Variants in LARGE1 observed in about 807,000 individuals in gnomAD.
LARGE1 encodes LARGE xylosyl- and glucuronyltransferase 1.
Under a neutral mutation model 87.6 loss-of-function variants are expected in LARGE1, and 43 were observed. The observed-to-expected ratio is 0.49, with a 90% CI of 0.38 to 0.63. LARGE1 has a LOEUF of 0.63. LARGE1 is among the 30% of genes least tolerant of loss of function. The probability of loss-of-function intolerance (pLI) is 0.00; values close to 1 mark genes in which losing one functional copy is unlikely to be tolerated. For missense variants in LARGE1, 802 were observed against 1,000.2 expected (o/e 0.80, Z 2.67); for synonymous variants, 434 against 394.6 (o/e 1.10, Z -1.18).
intron 11 of LARGE1, among the ~76,000 whole-genome samples, chr22:33,222,940 A>T (rs958712753): frequency 2.6e-5 from 4 of 152,156 alleles, no homozygotes; most frequent in Admixed American, 6.5e-5. Context: ...AGGCCCCCCC[A>T]GTCTCCCCTA....
At chr22:33,809,052 ACC>A in intron 1 of LARGE1, among the ~76,000 whole-genome samples, 2 of 146,088 alleles carry the variant, frequency 1.4e-5, no homozygotes, top group Non-Finnish European at 3.0e-5. Context: ...TGGGCGGATC[ACC>A]CGAGGTCAGG....
intron 7 of LARGE1, among the ~76,000 whole-genome samples, chr22:33,430,109 A>G (rs1028362711): frequency 6.6e-6 from 1 of 152,218 alleles, no homozygotes; most frequent in African/African-American, 2.4e-5. Context: ...TGAAGCCATT[A>G]AAGTTCAAGC....
At chr22:33,528,137 G>T (rs1265150929) in intron 6 of LARGE1, among the ~76,000 whole-genome samples, 1 of 150,850 alleles carries the variant, frequency 6.6e-6, no homozygotes, top group Non-Finnish European at 1.5e-5. Context: ...GGTCGGGGGG[G>T]GCGGGGCGGG....
chr22:33,785,083 ATATG>A lies in LARGE1; in HGVS notation c.-82-23529_-82-23526del, dbSNP rs1356013096. The stretch of plus-strand genomic sequence containing the variant: ...TATATAGATATATGTGTATACATAC[ATATG>A]TGTATATACATGTGTATACATACAT... On this transcript the variant is annotated intron_variant, in intron 1 of 14. Coordinates refer to ENST00000397394, the MANE Select transcript of LARGE1 (RefSeq NM_133642.5). Among the ~76,000 whole-genome samples, 53 of 81,116 alleles carry A rather than the reference ATATG, an allele frequency of 6.5e-4. 1 individual carries two copies. The highest frequency in any genetic ancestry group is 2.4e-3 in the African/African-American group (51 of 21,336). 53.2% of individuals were successfully genotyped at this position (81,116 alleles called of 152,430 possible).
intron 11 of LARGE1, among the ~76,000 whole-genome samples, chr22:33,172,059 G>A (rs925561836): frequency 2.0e-5 from 3 of 152,252 alleles, no homozygotes; most frequent in African/African-American, 7.2e-5. Flanking sequence ...TGCCCTGGAT[G>A]TGAGACATGG....
intron 2 of LARGE1, among the ~76,000 whole-genome samples, chr22:33,655,127 C>T (rs1436440997): frequency 6.6e-6 from 1 of 152,004 alleles, no homozygotes; most frequent in Non-Finnish European, 1.5e-5. Context: ...TCAACTGGGC[C>T]AGGTGGTACC....
At chr22:33,778,514 T>C (rs1265068680) in intron 1 of LARGE1, among the ~76,000 whole-genome samples, 1 of 152,190 alleles carries the variant, frequency 6.6e-6, no homozygotes, top group Non-Finnish European at 1.5e-5. Flanking sequence ...CAACATCTGC[T>C]TTCTGCCTCT....
the LARGE1 span, among the ~76,000 whole-genome samples, chr22:33,079,078 C>T: frequency 1.3e-5 from 2 of 152,046 alleles, no homozygotes; most frequent in African/African-American, 2.4e-5. Context: ...GCTTCTTGTG[C>T]CTCAGTTTCT....
chr22:33,117,048 T>C, the LARGE1 span, among the ~76,000 whole-genome samples: 2 of 152,084 alleles, frequency 1.3e-5, no homozygotes, highest in Non-Finnish European at 2.9e-5. Context: ...GGTGAGTGAG[T>C]CACAGGAAAA....
chr22:33,339,651 C>A lies in LARGE1; in HGVS notation c.1132-1850G>T, dbSNP rs1305007609. Among the ~76,000 whole-genome samples, 6 of 151,238 alleles carry A rather than the reference C, an allele frequency of 4.0e-5. No individual in the cohort carries two copies. The East Asian group carries it at 5.8e-4, about 15-fold the overall frequency. On this transcript the variant is annotated intron_variant, in intron 9 of 14. Coordinates refer to ENST00000397394, the MANE Select transcript of LARGE1 (RefSeq NM_133642.5). The stretch of plus-strand genomic sequence containing the variant: ...AGTTTGATTGGAGAGACAAGATATG[C>A]ACAAGAAAAAAAAATCTGGGAAAAG...
rs575698411 is a variant in LARGE1, at chr22:33,181,360, A to G, written c.1731-14528T>C. On this transcript the variant is annotated intron_variant, in intron 11 of 11. Transcript: ENST00000608642. ...TTATGTATTTTCATTTTTATACCAT[A>G]TCTCAGATCAATTGATGAGCATAAT... Among the ~76,000 whole-genome samples the G allele has an allele frequency of 2.0e-5, 3 of 152,208 alleles. No individual in the cohort carries two copies. The East Asian group carries it at 5.8e-4, about 29-fold the overall frequency.
At chr22:33,657,662 T>C (rs1278801330) in intron 2 of LARGE1, among the ~76,000 whole-genome samples, 1 of 152,096 alleles carries the variant, frequency 6.6e-6, no homozygotes, top group Non-Finnish European at 1.5e-5. Flanking sequence ...GTGGGTCTCC[T>C]GGGCTAGTCC....
intron 1 of LARGE1, among the ~76,000 whole-genome samples, chr22:33,775,251 T>C (rs917474838): frequency 3.3e-5 from 5 of 152,334 alleles, no homozygotes; most frequent in East Asian, 3.9e-4. Context: ...CAGCTTCAAA[T>C]TGAATGTGCT....
At chr22:33,782,442 C>G (rs2145905739) in intron 1 of LARGE1, among the ~76,000 whole-genome samples, 1 of 152,268 alleles carries the variant, frequency 6.6e-6, no homozygotes, top group Non-Finnish European at 1.5e-5. Context: ...ATACTAAAAA[C>G]CACTAAATTG....
At chr22:33,369,064 G>A (rs998654776) in intron 9 of LARGE1, among the ~76,000 whole-genome samples, 4 of 152,164 alleles carry the variant, frequency 2.6e-5, no homozygotes, top group African/African-American at 9.7e-5. Flanking sequence ...TTCCTTTCAT[G>A]AAAAGTTTCT....
chr22:33,404,392 T>C (rs1374220053), intron 7 of LARGE1, among the ~76,000 whole-genome samples: 1 of 152,208 alleles, frequency 6.6e-6, no homozygotes, highest in Non-Finnish European at 1.5e-5. Flanking sequence ...CAATGCCACA[T>C]TTATAACCAG....
chr22:33,181,461 G>A (rs1365630141), intron 11 of LARGE1, among the ~76,000 whole-genome samples: 1 of 152,022 alleles, frequency 6.6e-6, no homozygotes, highest in Non-Finnish European at 1.5e-5. Flanking sequence ...GCTAGGAAGT[G>A]GCAAAGAGAG....
chr22:33,645,215 A>G (rs1442221928), intron 3 of LARGE1, among the ~76,000 whole-genome samples: 3 of 109,172 alleles, frequency 2.7e-5, no homozygotes, highest in Non-Finnish European at 7.2e-5. Context: ...TACAGTAACC[A>G]AAACAGCATG....
At chr22:33,708,038 C>A (rs985119891) in intron 2 of LARGE1, among the ~76,000 whole-genome samples, 3 of 152,130 alleles carry the variant, frequency 2.0e-5, no homozygotes, top group East Asian at 3.9e-4. Context: ...GATGTCCAAG[C>A]TGCTGAGAAG....
Sources: gnomAD v4.1 joint callset for allele counts (sites outside exome capture counted in the v4.1 genomes callset) on GRCh38, gnomAD v4.1.1 for gene constraint, MANE v1.5 for transcripts, NCBI Gene and HGNC (gene_info 2026-07-23, HGNC 2026-07-21) for gene names.